Variants in TIPIN observed in about 807,000 individuals in gnomAD.
TIPIN encodes the protein TIMELESS-interacting protein.
Under a neutral mutation model 35.6 loss-of-function variants are expected in TIPIN, and 29 were observed. That is an observed-to-expected ratio of 0.82 (90% CI 0.61 to 1.11). The LOEUF (loss-of-function observed/expected upper bound fraction) is 1.11. Ranked by LOEUF, TIPIN falls within the 50% of genes most tolerant of loss-of-function variation. The pLI is 0.00. For missense variants in TIPIN, 296 were observed against 345.4 expected, an observed-to-expected ratio of 0.86 and a Z score of 1.13; for synonymous variants, 102 against 121.5, an observed-to-expected ratio of 0.84 and a Z score of 1.06.
At chr15:66,379,225 C>G (rs1485381878) in intron 1 of TIPIN, 1 of 1,371,200 alleles carries the variant, frequency 7.3e-7, no homozygotes, top group Admixed American at 2.7e-5. Flanking sequence ...ATTTATTTAG[C>G]TATTTACTTT....
chr15:66,381,890 CCT>C (rs1416265278), intron 1 of TIPIN, among the ~76,000 whole-genome samples: 1 of 152,130 alleles, frequency 6.6e-6, no homozygotes, highest in Non-Finnish European at 1.5e-5. Context: ...ATGGCGAAAC[CCT>C]GTCTCTACTA....
At chr15:66,385,109 T>C (rs1041585369) in intron 1 of TIPIN, among the ~76,000 whole-genome samples, 2 of 152,236 alleles carry the variant, frequency 1.3e-5, no homozygotes, top group Non-Finnish European at 2.9e-5. Context: ...CCATCCTGAA[T>C]GCAACTAACC....
At chr15:66,371,452 T>C (rs2093277278) in intron 1 of TIPIN, 4 of 901,580 alleles carry the variant, frequency 4.4e-6, no homozygotes, top group Non-Finnish European at 4.0e-6. Flanking sequence ...CAGTCTGCTT[T>C]ATTTTCTGGG....
chr15:66,363,428 G>A (rs1388039566), intron 1 of TIPIN, among the ~76,000 whole-genome samples: 1 of 152,110 alleles, frequency 6.6e-6, no homozygotes, highest in Non-Finnish European at 1.5e-5. Flanking sequence ...CGGATCACGA[G>A]GTCAGGAGAT....
chr15:66,337,240 G>A (rs535558090), intron 7 of TIPIN, 59 bp from the exon 8 acceptor site: 3 of 1,424,550 alleles, frequency 2.1e-6, no homozygotes, highest in African/African-American at 2.8e-5. Context: ...CTTACCGCAT[G>A]AGTACAAACC....
At chr15:66,381,410 C>T (rs369691420) in intron 1 of TIPIN, among the ~76,000 whole-genome samples, 5 of 152,108 alleles carry the variant, frequency 3.3e-5, no homozygotes, top group East Asian at 3.9e-4. Context: ...GGCACTCCAG[C>T]CCAGGTGACA....
At chr15:66,344,190 T>C (rs1225158275) in intron 6 of TIPIN, among the ~76,000 whole-genome samples, 1 of 152,098 alleles carries the variant, frequency 6.6e-6, no homozygotes, top group Non-Finnish European at 1.5e-5. Flanking sequence ...CTCAAACTCC[T>C]TGGACTCAAA....
intron 1 of TIPIN, among the ~76,000 whole-genome samples, chr15:66,377,367 CTTTTA>C (rs545230797): frequency 7.9e-5 from 12 of 151,948 alleles, no homozygotes; most frequent in Non-Finnish European, 1.5e-4. Flanking sequence ...TGCTCTTTTT[CTTTTA>C]TTTTTATTTT....
chr15:66,367,628 C>T (rs1256801366), intron 1 of TIPIN, among the ~76,000 whole-genome samples: 10 of 151,718 alleles, frequency 6.6e-5, no homozygotes, highest in Non-Finnish European at 1.2e-4. Context: ...ATCTTGACCT[C>T]GTGATCTGCC....
At chr15:66,367,639 T>C (rs2093261646) in intron 1 of TIPIN, among the ~76,000 whole-genome samples, 1 of 151,962 alleles carries the variant, frequency 6.6e-6, no homozygotes, top group Admixed American at 6.6e-5. Flanking sequence ...GTGATCTGCC[T>C]GCCTCGGCCT....
chr15:66,383,073 A>G (rs1440439810), intron 1 of TIPIN: 1 of 735,274 alleles, frequency 1.4e-6, no homozygotes, highest in African/African-American at 1.9e-5. Context: ...GTGGAGGCCA[A>G]CCCAGCATGC....
rs575985666 is a variant in TIPIN at position 66,384,923 on chromosome 15, C to T, written c.-9+1684G>A. Among the ~76,000 whole-genome samples the T allele has an allele frequency of 6.6e-5, 10 of 152,038 alleles. No homozygotes were observed. The East Asian group carries it at 1.9e-3, about 29-fold the overall frequency. ...GCAAAACGCCACTCAAAAACAAAAA[C>T]AAAACAAAACAAAAACACCCCCCCA... On this transcript the variant is annotated intron_variant, in intron 1 of 7. Transcript: ENST00000562124.
chr15:66,354,870 C>A (rs1350721725), intron 1 of TIPIN, among the ~76,000 whole-genome samples: 1 of 152,128 alleles, frequency 6.6e-6, no homozygotes, highest in East Asian at 1.9e-4. Flanking sequence ...AGTGTCATGG[C>A]ACTTATCCAG....
At chr15:66,378,355 T>G (rs889885524) in intron 1 of TIPIN, among the ~76,000 whole-genome samples, 21 of 152,172 alleles carry the variant, frequency 1.4e-4, no homozygotes, top group African/African-American at 5.1e-4. Context: ...CAGGCTTGTC[T>G]CCATCTCCTG....
At chr15:66,344,586 C>G (rs1487166990) in intron 6 of TIPIN, among the ~76,000 whole-genome samples, 1 of 151,268 alleles carries the variant, frequency 6.6e-6, no homozygotes, top group Non-Finnish European at 1.5e-5. Flanking sequence ...TGCAGCAGCT[C>G]ACGCCTATAA....
Position 66,349,393 on chromosome 15 carries a change from T to A in TIPIN, c.333A>T (p.Ala111=). The part of the protein sequence containing the change: ...KMLIRHMEHW[A]HRLFPKLQFE... ...ACTGCAGTTTAGGGAATAGCCTATG[T>A]GCCCAGTGCTCCATGTGTCTGATTA... The change falls in exon 5 of 8, where the codon GCA becomes GCT. Residue 111 remains alanine (A), a synonymous_variant. Coordinates refer to ENST00000261881, the MANE Select transcript of TIPIN (RefSeq NM_017858.3). 6.2e-7 allele frequency: 1 copy of A among 1,613,876 alleles called. No individual in the cohort carries two copies. The highest frequency in any genetic ancestry group is 8.5e-7 in the Non-Finnish European group (1 of 1,179,804).
intron 1 of TIPIN, among the ~76,000 whole-genome samples, chr15:66,367,100 A>G (rs2093257870): frequency 6.6e-6 from 1 of 151,934 alleles, no homozygotes; most frequent in African/African-American, 2.4e-5. Context: ...GAATCGCTCA[A>G]AATGGGGATG....
intron 1 of TIPIN, among the ~76,000 whole-genome samples, chr15:66,385,103 C>T (rs150898140): frequency 1.3e-5 from 2 of 152,346 alleles, no homozygotes; most frequent in East Asian, 1.9e-4. Flanking sequence ...AATCAACCAT[C>T]CTGAATGCAA....
At chr15:66,360,431 C>T (rs1187091438), upstream of TIPIN, among the ~76,000 whole-genome samples, 1 of 150,820 alleles carries the variant, frequency 6.6e-6, no homozygotes, top group Admixed American at 6.6e-5. Context: ...CATGGTAAAA[C>T]CCCATCGCTA....
Sources: allele counts gnomAD v4.1 joint callset (sites outside exome capture counted in the v4.1 genomes callset), GRCh38; gene constraint gnomAD v4.1.1; transcripts MANE v1.5; gene names NCBI Gene and HGNC (gene_info 2026-07-23, HGNC 2026-07-21).